Variants in SEZ6L observed in about 807,000 individuals in gnomAD.
SEZ6L encodes the protein seizure related 6 homolog like, also known as seizure 6-like protein.
A neutral mutation model predicts 106.2 loss-of-function variants in SEZ6L; 37 were observed. That is an observed-to-expected ratio of 0.35 (90% CI 0.27 to 0.46). The LOEUF is 0.46. Among genes scored for constraint, SEZ6L ranks in the 20% least tolerant of loss-of-function variants. The probability of loss-of-function intolerance (pLI) is 1.00; values close to 1 mark genes in which losing one functional copy is unlikely to be tolerated. For synonymous variants in SEZ6L, 541 were observed against 570.4 expected (o/e 0.95, Z 0.73); for missense variants, 1,172 against 1,332.8 (o/e 0.88, Z 1.88).
chr22:26,357,511 T>C (rs963957040), intron 12 of SEZ6L, among the ~76,000 whole-genome samples: 5 of 152,218 alleles, frequency 3.3e-5, no homozygotes. Flanking sequence ...GTTGTGTTTC[T>C]GTCCTCAGAA....
At chr22:26,327,224 A>C (rs2082333937) in intron 9 of SEZ6L, among the ~76,000 whole-genome samples, 1 of 2,834 alleles carries the variant, frequency 3.5e-4, no homozygotes, top group Non-Finnish European at 8.5e-4. Context: ...CACACACCAC[A>C]CACACACCAC....
chr22:26,224,195 C>A (rs1422948921), intron 1 of SEZ6L, among the ~76,000 whole-genome samples: 1 of 152,112 alleles, frequency 6.6e-6, no homozygotes, highest in East Asian at 1.9e-4. Flanking sequence ...GAGGCAGAAA[C>A]CAAGTTAGAA....
chr22:26,380,133 G>A, intron 16 of SEZ6L, 133 bp from the exon 17 acceptor site: 1 of 716,330 alleles, frequency 1.4e-6, no homozygotes, highest in South Asian at 2.0e-5. Flanking sequence ...AGCAAATCAG[G>A]GTCAGAGTGG....
At chr22:26,213,067 G>A (rs1428838514) in intron 1 of SEZ6L, among the ~76,000 whole-genome samples, 1 of 152,190 alleles carries the variant, frequency 6.6e-6, no homozygotes, top group Non-Finnish European at 1.5e-5. Flanking sequence ...AAATCCTGGA[G>A]GATGGGGATG....
chr22:26,247,629 A>G (rs990500338), intron 1 of SEZ6L, among the ~76,000 whole-genome samples: 1 of 152,156 alleles, frequency 6.6e-6, no homozygotes, highest in Non-Finnish European at 1.5e-5. Flanking sequence ...CCCGGAGCCT[A>G]CAGAAAAGAC....
At chr22:26,210,364 T>G (rs73879851) in intron 1 of SEZ6L, among the ~76,000 whole-genome samples, 1 of 152,236 alleles carries the variant, frequency 6.6e-6, no homozygotes, top group Non-Finnish European at 1.5e-5. Flanking sequence ...AAGGCTCACA[T>G]GCACAATGAG....
intron 1 of SEZ6L, among the ~76,000 whole-genome samples, chr22:26,256,912 G>C (rs1602184875): frequency 6.6e-6 from 1 of 152,208 alleles, no homozygotes; most frequent in African/African-American, 2.4e-5. Flanking sequence ...TGTTGCAGCA[G>C]AGAAAGTTCA....
intron 1 of SEZ6L, among the ~76,000 whole-genome samples, chr22:26,257,445 T>C (rs1022244872): frequency 1.3e-5 from 2 of 152,238 alleles, no homozygotes; most frequent in Admixed American, 1.3e-4. Flanking sequence ...AATTCCTGTC[T>C]ATTAATTTCC....
rs973220999 is a variant in SEZ6L, at chr22:26,336,268, T to C, written c.2016-4168T>C. Among the ~76,000 whole-genome samples, 5 of 152,180 alleles carry C rather than the reference T, an allele frequency of 3.3e-5. 1 individual carries two copies. The Middle Eastern group carries it at 0.01, about 311-fold the overall frequency. On this transcript the variant is annotated intron_variant, in intron 9 of 16. Coordinates refer to ENST00000248933, the MANE Select transcript of SEZ6L (RefSeq NM_021115.5). ...CCCTCAGTCAATAAAGGATGGAAACTGGAGGATAAATACCCCAGCTCCTTC... is the reference window on the plus strand; with the variant it reads ...CCCTCAGTCAATAAAGGATGGAAACCGGAGGATAAATACCCCAGCTCCTTC...
intron 13 of SEZ6L, 81 bp from the exon 14 acceptor site, chr22:26,373,370 C>A: frequency 8.2e-7 from 1 of 1,219,884 alleles, no homozygotes; most frequent in Non-Finnish European, 1.2e-6. Flanking sequence ...TGGGCTTTTG[C>A]ATCAAATTTT....
intron 1 of SEZ6L, among the ~76,000 whole-genome samples, chr22:26,251,845 T>C (rs983575701): frequency 6.6e-6 from 1 of 152,120 alleles, no homozygotes; most frequent in African/African-American, 2.4e-5. Context: ...AAAGGAGTGG[T>C]CCTGTGTGTG....
chr22:26,365,240 G>A, intron 12 of SEZ6L, 132 bp from the exon 13 acceptor site: 1 of 695,316 alleles, frequency 1.4e-6, no homozygotes, highest in South Asian at 2.2e-5. Context: ...ATAGAAAACA[G>A]TCTGATGCAA....
At chr22:26,241,610 G>A (rs1264170560) in intron 1 of SEZ6L, among the ~76,000 whole-genome samples, 1 of 152,158 alleles carries the variant, frequency 6.6e-6, no homozygotes, top group South Asian at 2.1e-4. Context: ...TGACACAGAG[G>A]CAATCCTGCT....
intron 1 of SEZ6L, among the ~76,000 whole-genome samples, chr22:26,201,059 C>G (rs1196644020): frequency 6.6e-6 from 1 of 152,130 alleles, no homozygotes; most frequent in Non-Finnish European, 1.5e-5. Context: ...GGTCCTTGCA[C>G]TCTTTTTCCT....
chr22:26,358,208 C>T (rs5997074), intron 12 of SEZ6L, among the ~76,000 whole-genome samples: 11,609 of 152,178 alleles, frequency 0.076, 1,566 homozygotes, highest in African/African-American at 0.27. Flanking sequence ...CCATGATAAC[C>T]CTAGGGGATT....
chr22:26,197,529 G>A (rs868707897), intron 1 of SEZ6L, among the ~76,000 whole-genome samples: 19 of 152,122 alleles, frequency 1.2e-4, no homozygotes, highest in Admixed American at 3.3e-4. Flanking sequence ...AGGGGTCCTG[G>A]TATAGTGACA....
chr22:26,368,947 G>A (rs2083909878), intron 13 of SEZ6L, among the ~76,000 whole-genome samples: 1 of 152,078 alleles, frequency 6.6e-6, no homozygotes, highest in Non-Finnish European at 1.5e-5. Flanking sequence ...CCCGCCTTCA[G>A]GGCTACTAAG....
intron 1 of SEZ6L, among the ~76,000 whole-genome samples, chr22:26,241,922 G>T (rs375753658): frequency 2.2e-4 from 34 of 152,298 alleles, no homozygotes; most frequent in African/African-American, 7.7e-4. Context: ...GAGATTCTGT[G>T]ATTAACTATG....
intron 1 of SEZ6L, among the ~76,000 whole-genome samples, chr22:26,174,075 G>A (rs1326385765): frequency 6.6e-6 from 1 of 152,206 alleles, no homozygotes; most frequent in Non-Finnish European, 1.5e-5. Context: ...TCCTGCCCCA[G>A]TAATGGCAGC....
Sources: allele counts gnomAD v4.1 joint callset (sites outside exome capture counted in the v4.1 genomes callset), GRCh38; gene constraint gnomAD v4.1.1; transcripts MANE v1.5; gene names NCBI Gene and HGNC (gene_info 2026-07-23, HGNC 2026-07-21).